Variants in LRP1B observed in about 807,000 individuals in gnomAD.
LRP1B encodes LDL receptor related protein 1B, also known as low-density lipoprotein receptor-related protein 1B.
A neutral mutation model predicts 556.6 loss-of-function variants in LRP1B; 217 were observed. The ratio of observed to expected loss-of-function variants is 0.39; its 90% CI spans 0.35 to 0.44. The LOEUF is 0.44. LRP1B is among the 20% of genes least tolerant of loss of function. The pLI is 1.00. For missense variants in LRP1B, 5,053 were observed against 5,620.8 expected (o/e 0.90, Z 3.23); for synonymous variants, 2,047 against 1,865.8 (o/e 1.10, Z -2.50).
intron 1 of LRP1B, among the ~76,000 whole-genome samples, chr2:141,958,588 A>G (rs925377389): frequency 1.3e-5 from 2 of 152,050 alleles, no homozygotes; most frequent in Non-Finnish European, 2.9e-5. Flanking sequence ...GTGTCTTAGA[A>G]AGAATATAAT....
chr2:141,603,283 ATAATTTTTTTTGAATTATAATAG>A (rs997971009), intron 2 of LRP1B, among the ~76,000 whole-genome samples: 1 of 152,214 alleles, frequency 6.6e-6, no homozygotes, highest in African/African-American at 2.4e-5. Flanking sequence ...ACCTGTGTCA[ATAATTTTTTTTGAATTATAATAG>A]TAACAGTAGG....
At chr2:140,925,730 G>A (rs575422776) in intron 20 of LRP1B, among the ~76,000 whole-genome samples, 3 of 152,118 alleles carry the variant, frequency 2.0e-5, no homozygotes, top group Non-Finnish European at 4.4e-5. Flanking sequence ...AAAAATCTGA[G>A]AATTTCCAAT....
At chr2:141,740,780 G>C (rs1316473622) in intron 2 of LRP1B, among the ~76,000 whole-genome samples, 1 of 152,168 alleles carries the variant, frequency 6.6e-6, no homozygotes, top group East Asian at 1.9e-4. Flanking sequence ...CCACCAGCTA[G>C]AGCACTGGCC....
intron 2 of LRP1B, among the ~76,000 whole-genome samples, chr2:141,543,518 C>CAAAAA (rs377085694): frequency 5.7e-4 from 52 of 91,232 alleles, no homozygotes; most frequent in South Asian, 2.5e-3. Context: ...GACCCTGTCT[C>CAAAAA]AAAAAAAAAA....
intron 7 of LRP1B, among the ~76,000 whole-genome samples, chr2:141,168,599 A>G (rs1193275495): frequency 1.3e-5 from 2 of 152,098 alleles, no homozygotes; most frequent in Non-Finnish European, 2.9e-5. Flanking sequence ...AACAACAGTA[A>G]TAATAATTTC....
chr2:141,257,019 A>G (rs139502822), intron 3 of LRP1B, among the ~76,000 whole-genome samples: 2 of 152,104 alleles, frequency 1.3e-5, no homozygotes, highest in Admixed American at 6.5e-5. Flanking sequence ...AATAAAGTAC[A>G]TAAGTGAAGA....
intron 41 of LRP1B, among the ~76,000 whole-genome samples, chr2:140,619,717 G>A (rs1683386233): frequency 6.6e-6 from 1 of 152,052 alleles, no homozygotes; most frequent in Non-Finnish European, 1.5e-5. Flanking sequence ...AAGCACTATG[G>A]AAATAAATGT....
chr2:141,226,002 A>C (rs1314540452), intron 6 of LRP1B, among the ~76,000 whole-genome samples: 1 of 152,132 alleles, frequency 6.6e-6, no homozygotes, highest in Non-Finnish European at 1.5e-5. Context: ...CTAACATGAA[A>C]AAGTTGAGAC....
chr2:140,609,257 C>A (rs1157956990), intron 41 of LRP1B, among the ~76,000 whole-genome samples: 1 of 152,100 alleles, frequency 6.6e-6, no homozygotes, highest in South Asian at 2.1e-4. Context: ...TGGGATCCAT[C>A]CTTTCCTTAG....
At chr2:141,603,868 T>C (rs1286178228) in intron 2 of LRP1B, among the ~76,000 whole-genome samples, 1 of 152,172 alleles carries the variant, frequency 6.6e-6, no homozygotes, top group African/African-American at 2.4e-5. Flanking sequence ...ATTAAAAATA[T>C]TTTCTTTAGG....
intron 2 of LRP1B, among the ~76,000 whole-genome samples, chr2:141,654,049 C>A (rs182926649): frequency 2.0e-3 from 301 of 151,954 alleles, no homozygotes; most frequent in Non-Finnish European, 3.2e-3. Flanking sequence ...AGCCAAAATT[C>A]TCATGGGCAG....
chr2:140,601,587 G>T lies in LRP1B; in HGVS notation c.6852C>A (p.Tyr2284Ter). 1 of 1,612,358 alleles carries T rather than the reference G, an allele frequency of 6.2e-7. No homozygotes were observed. The highest frequency in any genetic ancestry group is 8.5e-7 in the Non-Finnish European group (1 of 1,178,910). ...LAYHRAWDTL[Y>*]WTSSTTSSIT... ...TGGATGAGGTGGTAGAGCTTGTCCAGTACAGTGTATCCCAGGCTCTGTGAT... is the reference window on the plus strand; with the variant it reads ...TGGATGAGGTGGTAGAGCTTGTCCATTACAGTGTATCCCAGGCTCTGTGAT... Residue 2284 changes from tyrosine to a stop codon, truncating the protein, a stop_gained, in exon 42 of 91, where the codon TAC (tyrosine) becomes TAA (stop). Transcript: ENST00000389484. LOFTEE classifies it high-confidence loss of function.
At chr2:141,582,243 C>G (rs1159397645) in intron 2 of LRP1B, among the ~76,000 whole-genome samples, 3 of 152,164 alleles carry the variant, frequency 2.0e-5, no homozygotes, top group African/African-American at 7.2e-5. Flanking sequence ...AGTGTACTGA[C>G]CAAACAGGGC....
chr2:142,035,173 C>T (rs1452817462), intron 1 of LRP1B, among the ~76,000 whole-genome samples: 1 of 151,574 alleles, frequency 6.6e-6, no homozygotes, highest in African/African-American at 2.4e-5. Context: ...AGTCCCAATA[C>T]ATATTAGTCG....
chr2:141,275,993 C>T (rs1331918008), intron 3 of LRP1B, among the ~76,000 whole-genome samples: 1 of 152,082 alleles, frequency 6.6e-6, no homozygotes, highest in Non-Finnish European at 1.5e-5. Flanking sequence ...GATGGCCTCT[C>T]TATAAGTTTT....
intron 29 of LRP1B, among the ~76,000 whole-genome samples, chr2:140,849,200 C>CAAAAAAAAAAAAAAA (rs70988447): frequency 1.7e-4 from 17 of 100,512 alleles, no homozygotes; most frequent in African/African-American, 3.3e-4. Flanking sequence ...ACTAAAAATA[C>CAAAAAAAAAAAAAAA]AAAAAAAAAA....
intron 1 of LRP1B, among the ~76,000 whole-genome samples, chr2:141,866,215 C>T (rs948464054): frequency 1.3e-5 from 2 of 152,128 alleles, no homozygotes; most frequent in East Asian, 1.9e-4. Flanking sequence ...ATGTAGAATA[C>T]TGTGCTGTCT....
rs1349077643 is a variant in LRP1B at position 141,239,804 on chromosome 2, ACT to A, written c.592+7420_592+7421del. Among the ~76,000 whole-genome samples, 6 of 152,078 alleles carry A rather than the reference ACT, an allele frequency of 3.9e-5. No individual in the cohort carries two copies. The South Asian group carries it at 1.0e-3, about 26-fold the overall frequency. ...AGGAGAAGGGAGGTAGATATATGAA[ACT>A]CATTATCTAGTGATGGGAAAAAGTA... On this transcript the variant is annotated intron_variant, in intron 5 of 90. Coordinates refer to ENST00000389484, the MANE Select transcript of LRP1B (RefSeq NM_018557.3).
intron 81 of LRP1B, 139 bp from the exon 82 acceptor site, chr2:140,322,227 C>A (rs977389927): frequency 2.0e-5 from 15 of 761,932 alleles, no homozygotes; most frequent in Non-Finnish European, 3.0e-5. Flanking sequence ...TGTGGAGTAT[C>A]TCACTCAATA....
Sources: allele counts gnomAD v4.1 joint callset (sites outside exome capture counted in the v4.1 genomes callset), GRCh38; gene constraint gnomAD v4.1.1; transcripts MANE v1.5; gene names NCBI Gene and HGNC (gene_info 2026-07-23, HGNC 2026-07-21).